Variants in PRKG1 observed in about 807,000 individuals in gnomAD.
PRKG1 encodes the protein cGMP-dependent protein kinase 1.
In PRKG1, 35 loss-of-function variants were observed where a neutral mutation model predicts 88.1. The ratio of observed to expected loss-of-function variants is 0.40; its 90% CI spans 0.30 to 0.53. PRKG1 has a LOEUF of 0.53. Ranked by LOEUF, PRKG1 falls within the 20% of genes least tolerant of loss-of-function variation. The probability of loss-of-function intolerance (pLI) is 0.59; values close to 1 mark genes in which losing one functional copy is unlikely to be tolerated. For synonymous variants in PRKG1, 303 were observed against 292.5 expected (o/e 1.04, Z -0.37); for missense variants, 540 against 839.8 (o/e 0.64, Z 4.41).
At chr10:51,529,655 C>T (rs988907905) in intron 3 of PRKG1, among the ~76,000 whole-genome samples, 4 of 152,120 alleles carry the variant, frequency 2.6e-5, no homozygotes, top group Non-Finnish European at 2.9e-5. Flanking sequence ...TCCTGACCCC[C>T]CTCACTGAAA....
At chr10:51,261,943 G>A (rs375154167) in intron 2 of PRKG1, among the ~76,000 whole-genome samples, 1 of 143,944 alleles carries the variant, frequency 6.9e-6, no homozygotes, top group Non-Finnish European at 1.5e-5. Context: ...GGAATGCAGT[G>A]GTGCAATCGC....
At chr10:51,547,736 C>A (rs1219041477) in intron 3 of PRKG1, among the ~76,000 whole-genome samples, 1 of 152,030 alleles carries the variant, frequency 6.6e-6, no homozygotes, top group Non-Finnish European at 1.5e-5. Flanking sequence ...TGTAATCTGC[C>A]AATTTCTATA....
At chr10:51,994,660 A>G (rs566592872) in intron 5 of PRKG1, among the ~76,000 whole-genome samples, 2 of 152,256 alleles carry the variant, frequency 1.3e-5, no homozygotes, top group South Asian at 2.1e-4. Flanking sequence ...GATGCTTGCA[A>G]TATTGTTTTC....
At chr10:51,283,424 T>C (rs1840353025) in intron 2 of PRKG1, among the ~76,000 whole-genome samples, 1 of 152,134 alleles carries the variant, frequency 6.6e-6, no homozygotes, top group African/African-American at 2.4e-5. Flanking sequence ...AGATAATTAC[T>C]TTAGCTGAGC....
intron 2 of PRKG1, among the ~76,000 whole-genome samples, chr10:51,431,401 G>C (rs1018770876): frequency 6.6e-6 from 1 of 152,206 alleles, no homozygotes; most frequent in African/African-American, 2.4e-5. Flanking sequence ...GAAGGACAAG[G>C]TGGGAGAAGG....
intron 3 of PRKG1, among the ~76,000 whole-genome samples, chr10:51,535,725 A>T (rs1008770805): frequency 2.8e-5 from 4 of 145,038 alleles, no homozygotes; most frequent in African/African-American, 1.0e-4. Context: ...GAAATCAATG[A>T]TTTTTTTTTT....
chr10:50,995,767 A>C (rs1342672007), intron 1 of PRKG1, among the ~76,000 whole-genome samples: 1 of 152,206 alleles, frequency 6.6e-6, no homozygotes, highest in African/African-American at 2.4e-5. Context: ...GAAAGGCTAG[A>C]ATCAATATTA....
intron 2 of PRKG1, among the ~76,000 whole-genome samples, chr10:51,271,054 C>T (rs1035136286): frequency 6.6e-6 from 1 of 152,158 alleles, no homozygotes; most frequent in Non-Finnish European, 1.5e-5. Flanking sequence ...TCATTCAACT[C>T]ATTTAGGATC....
At chr10:51,539,911 T>G (rs1842258582) in intron 3 of PRKG1, among the ~76,000 whole-genome samples, 1 of 152,216 alleles carries the variant, frequency 6.6e-6, no homozygotes, top group East Asian at 1.9e-4. Flanking sequence ...AAAAAGATTT[T>G]TAAATATTTT....
At chr10:52,259,760 G>A (rs946681533) in intron 10 of PRKG1, among the ~76,000 whole-genome samples, 34 of 152,136 alleles carry the variant, frequency 2.2e-4, no homozygotes, top group Admixed American at 7.2e-4. Context: ...CCACTGTCTC[G>A]TCATCACTAT....
At chr10:51,162,181 G>T (rs1361254744) in intron 2 of PRKG1, among the ~76,000 whole-genome samples, 2 of 152,122 alleles carry the variant, frequency 1.3e-5, no homozygotes, top group African/African-American at 2.4e-5. Context: ...GGACAGATAG[G>T]AGCCACTTCC....
chr10:52,166,839 G>GTGTA lies in PRKG1; in HGVS notation c.1076+4877_1076+4878insGTAT, dbSNP rs1554812323. ...TATATGTATATATATGTATATATATGTATATATATGTCTATATATATATCT... is the reference window on the plus strand; with the variant it reads ...TATATGTATATATATGTATATATATGTGTATATATATATGTCTATATATATATCT... On this transcript the variant is annotated intron_variant, in intron 9 of 17. Coordinates refer to ENST00000373980, the MANE Select transcript of PRKG1 (RefSeq NM_006258.4). Among the ~76,000 whole-genome samples the GTGTA allele has an allele frequency of 6.4e-3, 581 of 90,494 alleles. 26 individuals carry two copies. Among genetic ancestry groups the GTGTA allele is most frequent in the Non-Finnish European group, 8.2e-3 (403 of 49,124 alleles). The allele number at this position is 90,494 out of a possible 152,430, so 59.4% of individuals were successfully genotyped here.
intron 2 of PRKG1, among the ~76,000 whole-genome samples, chr10:51,242,594 G>A (rs534819979): frequency 3.3e-5 from 5 of 152,244 alleles, no homozygotes; most frequent in South Asian, 2.1e-4. Context: ...CTCAAGGCTC[G>A]CAGTCTAGGG....
chr10:51,614,966 T>C (rs535084715), intron 3 of PRKG1, among the ~76,000 whole-genome samples: 2 of 147,404 alleles, frequency 1.4e-5, no homozygotes, highest in Admixed American at 6.8e-5. Flanking sequence ...AATATATCCA[T>C]CTTTGAATAT....
chr10:52,292,909 A>G (rs1842286260), intron 17 of PRKG1, among the ~76,000 whole-genome samples: 1 of 152,130 alleles, frequency 6.6e-6, no homozygotes, highest in African/African-American at 2.4e-5. Flanking sequence ...AGTTCTGGTC[A>G]GGGCAATTAG....
intron 3 of PRKG1, among the ~76,000 whole-genome samples, chr10:51,490,066 T>C (rs1028200048): frequency 2.0e-5 from 3 of 152,116 alleles, no homozygotes; most frequent in Non-Finnish European, 4.4e-5. Context: ...CTAAACAAGA[T>C]GAAACAGTTG....
intron 2 of PRKG1, among the ~76,000 whole-genome samples, chr10:51,306,892 A>G (rs539171299): frequency 1.3e-5 from 2 of 152,320 alleles, no homozygotes; most frequent in South Asian, 2.1e-4. Context: ...TTCAACTTAG[A>G]AAGTTCAAAG....
intron 7 of PRKG1, among the ~76,000 whole-genome samples, chr10:52,067,604 A>G (rs1846384333): frequency 6.6e-6 from 1 of 152,162 alleles, no homozygotes; most frequent in African/African-American, 2.4e-5. Flanking sequence ...TCATCTTATA[A>G]ACTGTATTAT....
intron 2 of PRKG1, among the ~76,000 whole-genome samples, chr10:51,378,452 A>G (rs973818471): frequency 6.6e-6 from 1 of 152,168 alleles, no homozygotes; most frequent in Non-Finnish European, 1.5e-5. Context: ...ACCTGAGCTA[A>G]TTGGTTCTTT....
Sources: allele counts gnomAD v4.1 joint callset (sites outside exome capture counted in the v4.1 genomes callset), GRCh38; gene constraint gnomAD v4.1.1; transcripts MANE v1.5; gene names NCBI Gene and HGNC (gene_info 2026-07-23, HGNC 2026-07-21).